The following BCO1 variants were observed in gnomAD, a reference collection of about 807,000 sequenced individuals.
BCO1 encodes the protein beta-carotene oxygenase 1.
A neutral mutation model predicts 56.3 loss-of-function variants in BCO1; 54 were observed. That is an observed-to-expected ratio of 0.96 (90% confidence interval 0.77 to 1.20). BCO1 has a LOEUF of 1.20. Among genes scored for constraint, BCO1 ranks in the 50% most tolerant of loss-of-function variants. The probability of loss-of-function intolerance (pLI) is 0.00; values close to 1 mark genes in which losing one functional copy is unlikely to be tolerated. For synonymous variants in BCO1, 318 were observed against 266.1 expected (o/e 1.20, Z -1.90); for missense variants, 801 against 690.9 (o/e 1.16, Z -1.79).
At chr16:81,247,963 C>T (rs759802602) in intron 2 of BCO1, among the ~76,000 whole-genome samples, 5 of 152,296 alleles carry the variant, frequency 3.3e-5, no homozygotes, top group African/African-American at 4.8e-5. Context: ...AAGGTACTGA[C>T]CCTGTCTGTC....
intron 7 of BCO1, among the ~76,000 whole-genome samples, chr16:81,274,750 T>C (rs1045895494): frequency 3.3e-5 from 5 of 152,106 alleles, no homozygotes; most frequent in African/African-American, 1.2e-4. Context: ...TGGTGGCCCC[T>C]GCCTGTAATC....
intron 7 of BCO1, among the ~76,000 whole-genome samples, chr16:81,275,966 C>T (rs1461413870): frequency 6.6e-6 from 1 of 152,166 alleles, no homozygotes; most frequent in East Asian, 1.9e-4. Flanking sequence ...TGGACCTTGG[C>T]CCTGCCCTGG....
intron 1 of BCO1, among the ~76,000 whole-genome samples, chr16:81,242,433 T>G (rs1372962375): frequency 2.6e-5 from 4 of 152,008 alleles, no homozygotes; most frequent in Non-Finnish European, 4.4e-5. Context: ...ACTTCTGACC[T>G]CGAGTGATCC....
intron 9 of BCO1, among the ~76,000 whole-genome samples, chr16:81,285,955 C>G (rs1366006744): frequency 6.6e-6 from 1 of 152,126 alleles, no homozygotes; most frequent in Non-Finnish European, 1.5e-5. Context: ...AATCCCTGAC[C>G]TAAGGAACTC....
chr16:81,242,565 G>A (rs1334233123), intron 1 of BCO1, among the ~76,000 whole-genome samples: 1 of 152,060 alleles, frequency 6.6e-6, no homozygotes, highest in Non-Finnish European at 1.5e-5. Flanking sequence ...AGGCCCATCA[G>A]TTCTGTGTGT....
At chr16:81,270,808 G>A (rs946241786) in intron 7 of BCO1, among the ~76,000 whole-genome samples, 4 of 151,446 alleles carry the variant, frequency 2.6e-5, no homozygotes, top group East Asian at 1.9e-4. Context: ...GCAGTGTTGC[G>A]ATCTCTGCTC....
At chr16:81,240,233 A>G (rs1905050965) in intron 1 of BCO1, among the ~76,000 whole-genome samples, 1 of 152,132 alleles carries the variant, frequency 6.6e-6, no homozygotes, top group Non-Finnish European at 1.5e-5. Flanking sequence ...CTGTATTTTG[A>G]AATCTCTTAA....
chr16:81,262,593 C>T, intron 4 of BCO1: 1 of 368,548 alleles, frequency 2.7e-6, no homozygotes, highest in South Asian at 2.1e-5. Context: ...TTTGGGAGGT[C>T]AAGGTGGGCA....
Position 81,238,959 on chromosome 16 carries a change from G to T in BCO1, c.51G>T (p.Arg17Ser), listed in dbSNP as rs1406202429. Residue 17 changes from arginine (R) to serine (S), a missense_variant, in exon 1 of 11, where the codon AGG becomes AGT. By Grantham distance (110) the Arg-to-Ser change is moderately radical. Coordinates refer to ENST00000258168, the MANE Select transcript of BCO1 (RefSeq NM_017429.3). ...RNRKEQLEPV[R>S]AKVTGKIPAW... ...GGAAAGAACAGCTGGAGCCTGTGAG[G>T]GCCAAAGTGACAGGTGAGCATTCTG... The T allele has an allele frequency of 2.5e-6, 4 of 1,613,776 alleles. No individual in the cohort carries two copies. The highest frequency in any genetic ancestry group is 2.7e-5 in the African/African-American group (2 of 74,886).
At chr16:81,273,203 G>C (rs1182227368) in intron 7 of BCO1, among the ~76,000 whole-genome samples, 2 of 152,058 alleles carry the variant, frequency 1.3e-5, no homozygotes, top group African/African-American at 2.4e-5. Flanking sequence ...GGCTGGTCTT[G>C]AACTCCTGAC....
intron 5 of BCO1, 109 bp downstream of exon 5, chr16:81,264,896 G>A (rs577100191): frequency 5.9e-5 from 75 of 1,266,090 alleles, no homozygotes; most frequent in Admixed American, 9.0e-5. Context: ...ACTTTCTCCC[G>A]TAGATTATTG....
rs562023046 is a variant in BCO1 at position 81,287,395 on chromosome 16, A to G, written c.1403A>G (p.Asp468Gly). The G allele has an allele frequency of 6.2e-7, 1 of 1,613,756 alleles. No homozygotes were observed. Among genetic ancestry groups the G allele is most frequent in the African/African-American group, 1.3e-5 (1 of 75,012 alleles). ...PLFVPAPGAK[D>G]EDDGVILSAI... The stretch of plus-strand genomic sequence containing the variant: ...TTTGTGCCCGCGCCAGGTGCCAAGG[A>G]TGAGGATGACGGTAAGACTCTAAGA... Residue 468 changes from aspartate (D) to glycine (G), a missense_variant, in exon 10 of 11, where the codon GAT becomes GGT. By Grantham distance (94) the Asp-to-Gly change is moderately conservative (BLOSUM62 -1). Coordinates refer to ENST00000258168, the MANE Select transcript of BCO1 (RefSeq NM_017429.3).
intron 2 of BCO1, 115 bp downstream of exon 2, chr16:81,245,718 G>A: frequency 7.3e-7 from 1 of 1,368,014 alleles, no homozygotes; most frequent in Non-Finnish European, 1.0e-6. Context: ...TCTAAATCGG[G>A]TCTCACTGAA....
At chr16:81,253,381 C>A (rs1326251232) in intron 2 of BCO1, among the ~76,000 whole-genome samples, 1 of 152,166 alleles carries the variant, frequency 6.6e-6, no homozygotes, top group Non-Finnish European at 1.5e-5. Context: ...GTGTCACGAT[C>A]CTCATGTCAT....
In BCO1 at chr16:81,267,969, C is replaced by T. The variant is rs749153223; in HGVS notation, c.681C>T (p.Ser227=). Residue 227 remains serine (S), a synonymous_variant, in exon 6 of 11, where the codon TCC becomes TCT. Coordinates refer to ENST00000258168, the MANE Select transcript of BCO1 (RefSeq NM_017429.3). ...KHTEVFCSIP[S]RSLLSPSYYH... is the part of the protein sequence containing the mutation. The stretch of plus-strand genomic sequence containing the variant: ...CAGAGGTGTTCTGCTCCATCCCATC[C>T]CGCTCCCTGCTCTCCCCAAGCTACT... The T allele has an allele frequency of 1.9e-6, 3 of 1,613,932 alleles. No homozygotes were observed. The highest frequency in any genetic ancestry group is 1.7e-6 in the Non-Finnish European group (2 of 1,180,010).
chr16:81,263,986 G>A (rs1367491380), intron 4 of BCO1: 1 of 157,078 alleles, frequency 6.4e-6, no homozygotes, highest in Non-Finnish European at 1.4e-5. Flanking sequence ...ACTCTGGGCT[G>A]GAGGTTGTGT....
In BCO1 at chr16:81,285,555, G is replaced by C. The variant is rs200527924; in HGVS notation, c.1223G>C (p.Arg408Pro). ...EFLYEGLELP[R>P]VNYAHNGKQY... ...TTCCTTGTAGGCTTAGAGCTTCCAC[G>C]GGTCAATTATGCTCACAATGGAAAG... The change falls in exon 9 of 11, where the codon CGG becomes CCG. Residue 408 changes from arginine to proline, a missense_variant. Transcript: ENST00000258168. The C allele has an allele frequency of 6.2e-7, 1 of 1,613,212 alleles. No homozygotes were observed. The highest frequency in any genetic ancestry group is 1.7e-5 in the Admixed American group (1 of 59,992).
chr16:81,258,328 G>C lies in BCO1; in HGVS notation c.194-1348G>C, dbSNP rs1906273097. Among the ~76,000 whole-genome samples the C allele has an allele frequency of 3.9e-5, 6 of 152,200 alleles. No homozygotes were observed. In the South Asian group the frequency reaches 1.2e-3, roughly 32 times the overall value. On this transcript the variant is annotated intron_variant, in intron 2 of 10. Coordinates refer to ENST00000258168, the MANE Select transcript of BCO1 (RefSeq NM_017429.3). Reference sequence around the variant, plus strand: ...GTTGGTCTCAATGGACTGGTCAAGAGATTTATGCCATGAGTTAGACTCTCT... The same window carrying C: ...GTTGGTCTCAATGGACTGGTCAAGACATTTATGCCATGAGTTAGACTCTCT...
chr16:81,245,374 G>A (rs982904729), intron 1 of BCO1, 101 bp from the exon 2 acceptor site: 4 of 1,542,422 alleles, frequency 2.6e-6, no homozygotes, highest in East Asian at 2.2e-5. Context: ...GCAAGGAGTG[G>A]TACTGGGACC....
Sources: allele counts gnomAD v4.1 joint callset (sites outside exome capture counted in the v4.1 genomes callset), GRCh38; gene constraint gnomAD v4.1.1; transcripts MANE v1.5; gene names NCBI Gene and HGNC (gene_info 2026-07-23, HGNC 2026-07-21).